The following PTPRM variants were observed in gnomAD, a reference collection of about 807,000 sequenced individuals.
PTPRM encodes receptor-type tyrosine-protein phosphatase mu.
PTPRM carries 47 observed loss-of-function variants against 186.7 expected under a neutral mutation model. The observed-to-expected ratio is 0.25, with a 90% CI of 0.20 to 0.32. The LOEUF (loss-of-function observed/expected upper bound fraction) is 0.32, where lower values mean the gene tolerates loss of function less well. PTPRM is among the 10% of genes least tolerant of loss of function. The pLI is 1.00. For synonymous variants in PTPRM, 668 were observed against 674.9 expected (o/e 0.99, Z 0.16); for missense variants, 1,494 against 1,865.0 (o/e 0.80, Z 3.66).
intron 1 of PTPRM, among the ~76,000 whole-genome samples, chr18:7,716,600 A>C (rs1002714959): frequency 1.3e-5 from 2 of 152,216 alleles, no homozygotes; most frequent in African/African-American, 4.8e-5. Context: ...CAAAGGGCTA[A>C]TATCTAGAAT....
chr18:8,200,094 T>C (rs1169054854), intron 14 of PTPRM, among the ~76,000 whole-genome samples: 1 of 152,158 alleles, frequency 6.6e-6, no homozygotes, highest in Admixed American at 6.5e-5. Flanking sequence ...CACAGAGCTT[T>C]GGGGAAGCCC....
intron 9 of PTPRM, 137 bp from the exon 10 acceptor site, chr18:8,085,534 T>C: frequency 1.4e-6 from 1 of 735,804 alleles, no homozygotes; most frequent in Non-Finnish European, 2.2e-6. Flanking sequence ...CTTCAGTGGA[T>C]TCAGGATTTC....
chr18:8,078,855 G>T (rs926596340), intron 9 of PTPRM, among the ~76,000 whole-genome samples: 3 of 152,110 alleles, frequency 2.0e-5, no homozygotes, highest in African/African-American at 7.2e-5. Context: ...ACACTCTCCT[G>T]TGAACTCAGA....
intron 1 of PTPRM, among the ~76,000 whole-genome samples, chr18:7,576,709 C>A (rs1264223795): frequency 2.0e-5 from 3 of 152,150 alleles, no homozygotes; most frequent in African/African-American, 7.2e-5. Flanking sequence ...AACTTCTGGG[C>A]TCAAGTAGTC....
chr18:7,591,572 A>G (rs547519960), intron 1 of PTPRM, among the ~76,000 whole-genome samples: 1 of 152,356 alleles, frequency 6.6e-6, no homozygotes, highest in South Asian at 2.1e-4. Flanking sequence ...AGAATATGCA[A>G]GCCAACTTAT....
chr18:8,387,356 G>A (rs934104157), intron 31 of PTPRM, 121 bp downstream of exon 31: 13 of 1,041,196 alleles, frequency 1.2e-5, no homozygotes, highest in Non-Finnish European at 1.5e-5. Context: ...TCTAGGTGAA[G>A]GGGTGATCAT....
intron 4 of PTPRM, among the ~76,000 whole-genome samples, chr18:7,906,941 A>G (rs1165394867): frequency 6.6e-6 from 1 of 152,188 alleles, no homozygotes; most frequent in African/African-American, 2.4e-5. Context: ...TTATAAGTCC[A>G]GTATGTTTTT....
intron 23 of PTPRM, among the ~76,000 whole-genome samples, chr18:8,359,599 C>T (rs887588556): frequency 1.3e-5 from 2 of 152,252 alleles, no homozygotes; most frequent in Admixed American, 6.5e-5. Flanking sequence ...GGGGTACATA[C>T]AGGTGGTCAC....
At chr18:7,714,784 C>T (rs1439887862) in intron 1 of PTPRM, among the ~76,000 whole-genome samples, 3 of 152,152 alleles carry the variant, frequency 2.0e-5, no homozygotes, top group African/African-American at 7.2e-5. Context: ...GGATAAATTC[C>T]TGGACACATA....
chr18:8,371,108 A>G lies in PTPRM; in HGVS notation c.3171+102A>G, dbSNP rs2095660273. 1.1e-5 allele frequency: 7 copies of G among 623,056 alleles called. No individual in the cohort carries two copies. The South Asian group carries it at 1.3e-4, about 12-fold the overall frequency. The allele number at this position is 623,056 out of a possible 1,614,324, so 38.6% of individuals were successfully genotyped here. A position where few individuals can be genotyped will look rare whatever the true frequency, so the allele number is the denominator to read the frequency against. On this transcript the variant is annotated intron_variant, in intron 24 of 32. Coordinates refer to ENST00000580170, the MANE Select transcript of PTPRM (RefSeq NM_001105244.2). ...ATACTTTACACATGCTCATATCTCA[A>G]TGCAGGTAGGCTCTATCTGATGGTT... is the stretch of plus-strand genomic sequence containing the variant.
chr18:7,677,621 A>G (rs1598353698), intron 1 of PTPRM, among the ~76,000 whole-genome samples: 2 of 152,038 alleles, frequency 1.3e-5, no homozygotes, highest in Admixed American at 6.6e-5. Context: ...GTCTGGGCTC[A>G]TTTCCCTGAG....
At chr18:7,684,940 T>G (rs1391200800) in intron 1 of PTPRM, among the ~76,000 whole-genome samples, 2 of 152,208 alleles carry the variant, frequency 1.3e-5, no homozygotes, top group Admixed American at 1.3e-4. Context: ...TTTTCCATAA[T>G]AGCAAAACCA....
chr18:8,130,064 A>C (rs1291268975), intron 13 of PTPRM, among the ~76,000 whole-genome samples: 1 of 152,192 alleles, frequency 6.6e-6, no homozygotes, highest in Non-Finnish European at 1.5e-5. Context: ...CATGTTAAAA[A>C]TATCACCTAC....
rs145318994 is a variant in PTPRM, at chr18:8,205,719, C to T, written c.2301-38339C>T. Among the ~76,000 whole-genome samples, 60 of 152,152 alleles carry T rather than the reference C, an allele frequency of 3.9e-4. No homozygotes were observed. In the East Asian group the frequency reaches 0.011, roughly 28 times the overall value. ...TCTCATACATAATTACTTACTTGTT[C>T]ATCTCAGGACATAGTGTCAGATTGT... On this transcript the variant is annotated intron_variant, in intron 14 of 32. Coordinates refer to ENST00000580170, the MANE Select transcript of PTPRM (RefSeq NM_001105244.2).
intron 7 of PTPRM, among the ~76,000 whole-genome samples, chr18:8,036,968 A>G (rs1351309135): frequency 6.6e-6 from 1 of 152,196 alleles, no homozygotes; most frequent in African/African-American, 2.4e-5. Context: ...GTTTATGCTT[A>G]ATGAACTTCC....
chr18:7,710,166 A>C (rs549846067), intron 1 of PTPRM, among the ~76,000 whole-genome samples: 1 of 152,350 alleles, frequency 6.6e-6, no homozygotes, highest in Admixed American at 6.5e-5. Flanking sequence ...CAGCTATCCA[A>C]ATCCAACAGC....
At chr18:7,850,533 A>G (rs1410592997) in intron 2 of PTPRM, among the ~76,000 whole-genome samples, 1 of 152,208 alleles carries the variant, frequency 6.6e-6, no homozygotes, top group Admixed American at 6.5e-5. Context: ...AGTTTTTGGA[A>G]AACTCAAAGA....
intron 7 of PTPRM, chr18:7,995,731 A>G (rs2083498114): frequency 2.0e-5 from 3 of 152,152 alleles, no homozygotes; most frequent in Non-Finnish European, 1.5e-5. Context: ...GCCACTGATG[A>G]TTGTTCTTGT....
At chr18:8,263,179 G>T (rs1340826544) in intron 19 of PTPRM, among the ~76,000 whole-genome samples, 1 of 152,088 alleles carries the variant, frequency 6.6e-6, no homozygotes, top group Non-Finnish European at 1.5e-5. Flanking sequence ...TACAGTCTGG[G>T]TTCACTGCAA....
Sources: allele counts gnomAD v4.1 joint callset (sites outside exome capture counted in the v4.1 genomes callset), GRCh38; gene constraint gnomAD v4.1.1; transcripts MANE v1.5; gene names NCBI Gene and HGNC (gene_info 2026-07-23, HGNC 2026-07-21).